The following GRK5 variants were observed in gnomAD, a reference collection of about 807,000 sequenced individuals.
The protein encoded by GRK5 is g protein-coupled receptor kinase GRK5.
Under a neutral mutation model 78.4 loss-of-function variants are expected in GRK5, and 40 were observed. The observed-to-expected ratio is 0.51, with a 90% CI of 0.40 to 0.66. The LOEUF (loss-of-function observed/expected upper bound fraction) is 0.66, where lower values mean the gene tolerates loss of function less well. GRK5 is among the 30% of genes least tolerant of loss of function. The pLI, the probability that GRK5 is intolerant of heterozygous loss-of-function variation, is 0.00. For missense variants in GRK5, 598 were observed against 759.9 expected (o/e 0.79, Z 2.50); for synonymous variants, 289 against 296.8 (o/e 0.97, Z 0.27).
intron 1 of GRK5, among the ~76,000 whole-genome samples, chr10:119,262,246 A>C (rs1384283840): frequency 6.6e-6 from 1 of 151,870 alleles, no homozygotes; most frequent in Non-Finnish European, 1.5e-5. Flanking sequence ...CCCTGACAGC[A>C]GCCTAAGTGT....
rs1319733672 is a variant in GRK5, at chr10:119,311,168, C to A, written c.53-15348C>A. Among the ~76,000 whole-genome samples the A allele has an allele frequency of 3.3e-5, 5 of 152,184 alleles. No homozygotes were observed. The East Asian group carries it at 9.6e-4, about 29-fold the overall frequency. Reference sequence around the variant, plus strand: ...TAAGTCCATTTGGAAATGATCTCTTCCCTTCCGGTCCTGCCTCGCCCATCT... The same window carrying A: ...TAAGTCCATTTGGAAATGATCTCTTACCTTCCGGTCCTGCCTCGCCCATCT... On this transcript the variant is annotated intron_variant, in intron 1 of 15. Coordinates refer to ENST00000392870, the MANE Select transcript of GRK5 (RefSeq NM_005308.3).
chr10:119,314,420 C>T (rs1311943281), intron 1 of GRK5, among the ~76,000 whole-genome samples: 1 of 152,196 alleles, frequency 6.6e-6, no homozygotes, highest in Non-Finnish European at 1.5e-5. Flanking sequence ...AGAGCCAGTC[C>T]CCACCAAGTG....
intron 1 of GRK5, among the ~76,000 whole-genome samples, chr10:119,239,648 G>A (rs1322894326): frequency 2.0e-5 from 3 of 152,190 alleles, no homozygotes; most frequent in Non-Finnish European, 4.4e-5. Context: ...CATCACCTAC[G>A]TTTGGTTTTT....
chr10:119,261,045 C>G (rs1411751241), intron 1 of GRK5, among the ~76,000 whole-genome samples: 3 of 116,650 alleles, frequency 2.6e-5, no homozygotes, highest in Admixed American at 1.7e-4. Context: ...CTGACCCCCC[C>G]ACCTCCCTCC....
chr10:119,296,874 G>T (rs562712974), intron 1 of GRK5, among the ~76,000 whole-genome samples: 2 of 152,244 alleles, frequency 1.3e-5, no homozygotes, highest in African/African-American at 2.4e-5. Flanking sequence ...GAGTCCAAGC[G>T]CAGGGCCCCA....
At chr10:119,257,475 C>T (rs1258563477) in intron 1 of GRK5, among the ~76,000 whole-genome samples, 15 of 152,086 alleles carry the variant, frequency 9.9e-5, no homozygotes, top group Admixed American at 9.8e-4. Flanking sequence ...CTATAATCCT[C>T]CACTTTGGAA....
intron 1 of GRK5, among the ~76,000 whole-genome samples, chr10:119,259,893 A>G (rs1279998952): frequency 1.3e-5 from 2 of 152,244 alleles, no homozygotes; most frequent in Admixed American, 6.5e-5. Flanking sequence ...GCGATTATGA[A>G]TAAAGCCACT....
chr10:119,370,640 C>T (rs977940270), intron 2 of GRK5, among the ~76,000 whole-genome samples: 12 of 152,212 alleles, frequency 7.9e-5, no homozygotes, highest in Non-Finnish European at 1.8e-4. Flanking sequence ...GCCTTTCAAA[C>T]GTCAGAGAGC....
chr10:119,229,781 A>G (rs1848796607), intron 1 of GRK5, among the ~76,000 whole-genome samples: 2 of 152,152 alleles, frequency 1.3e-5, no homozygotes, highest in African/African-American at 4.8e-5. Flanking sequence ...TGGTGGTATG[A>G]AGACAGCATT....
At chr10:119,451,460 C>T (rs1378434059) in intron 13 of GRK5, among the ~76,000 whole-genome samples, 1 of 152,184 alleles carries the variant, frequency 6.6e-6, no homozygotes, top group African/African-American at 2.4e-5. Flanking sequence ...CCACACCTGG[C>T]TCAGTGCCCT....
intron 2 of GRK5, among the ~76,000 whole-genome samples, chr10:119,359,040 T>C (rs946200289): frequency 6.6e-5 from 10 of 151,984 alleles, no homozygotes; most frequent in Admixed American, 1.3e-4. Context: ...ACATTGGGGG[T>C]TAGGGCTTCA....
chr10:119,394,816 G>GGTGT (rs1175045506), intron 3 of GRK5, among the ~76,000 whole-genome samples: 2 of 147,538 alleles, frequency 1.4e-5, no homozygotes, highest in Non-Finnish European at 3.0e-5. Context: ...TGTGTGTGTG[G>GGTGT]GTGTGTGTAT....
chr10:119,432,270 A>G (rs984842653), intron 8 of GRK5, among the ~76,000 whole-genome samples: 1 of 152,190 alleles, frequency 6.6e-6, no homozygotes, highest in African/African-American at 2.4e-5. Context: ...CAGCTCTAAT[A>G]TCTTCTGCTA....
chr10:119,454,755 G>A (rs189119209), intron 15 of GRK5, among the ~76,000 whole-genome samples: 2 of 152,192 alleles, frequency 1.3e-5, no homozygotes, highest in African/African-American at 4.8e-5. Context: ...AGGAGGGGCC[G>A]CCTCCACCCT....
chr10:119,317,608 T>C (rs1850514349), intron 1 of GRK5, among the ~76,000 whole-genome samples: 1 of 152,144 alleles, frequency 6.6e-6, no homozygotes, highest in Non-Finnish European at 1.5e-5. Context: ...GCCCTATTAA[T>C]GGCTTTAAGC....
At chr10:119,416,406 G>A (rs551096326) in intron 4 of GRK5, among the ~76,000 whole-genome samples, 277 of 152,308 alleles carry the variant, frequency 1.8e-3, no homozygotes, top group African/African-American at 6.4e-3. Context: ...CCTGCCAGCC[G>A]TTCCTGCTTA....
chr10:119,401,371 C>T (rs2133859457), intron 4 of GRK5, among the ~76,000 whole-genome samples: 1 of 152,324 alleles, frequency 6.6e-6, no homozygotes, highest in Middle Eastern at 3.4e-3. Context: ...GTCGCCCATA[C>T]AAGGCCAGCT....
At chr10:119,214,132 G>A (rs1848532318) in intron 1 of GRK5, among the ~76,000 whole-genome samples, 1 of 152,064 alleles carries the variant, frequency 6.6e-6, no homozygotes, top group Admixed American at 6.5e-5. Flanking sequence ...CCACCATCAA[G>A]CCTGGCTAAT....
chr10:119,453,366 C>T, intron 15 of GRK5, 90 bp downstream of exon 15: 1 of 1,472,306 alleles, frequency 6.8e-7, no homozygotes, highest in South Asian at 1.2e-5. Flanking sequence ...CAGTAGAGAC[C>T]CTTGGAAGGC....
Sources: gnomAD v4.1 joint callset for allele counts (sites outside exome capture counted in the v4.1 genomes callset) on GRCh38, gnomAD v4.1.1 for gene constraint, MANE v1.5 for transcripts, NCBI Gene and HGNC (gene_info 2026-07-23, HGNC 2026-07-21) for gene names.